The following CDH12 variants were observed in gnomAD, a reference collection of about 807,000 sequenced individuals.
The protein encoded by CDH12 is cadherin-12.
CDH12 carries 41 observed loss-of-function variants against 74.1 expected under a neutral mutation model. The observed-to-expected ratio is 0.55, with a 90% CI of 0.43 to 0.72. CDH12 has a LOEUF of 0.72. Ranked by LOEUF, CDH12 falls within the 30% of genes least tolerant of loss-of-function variation. The probability of loss-of-function intolerance (pLI) is 0.00; values close to 1 mark genes in which losing one functional copy is unlikely to be tolerated. For synonymous variants in CDH12, 399 were observed against 355.0 expected (o/e 1.12, Z -1.39); for missense variants, 945 against 977.2 (o/e 0.97, Z 0.44).
intron 1 of CDH12, among the ~76,000 whole-genome samples, chr5:22,732,443 T>A (rs1276039139): frequency 1.4e-5 from 2 of 139,668 alleles, no homozygotes; most frequent in African/African-American, 5.5e-5. Flanking sequence ...TATATACATA[T>A]GTGAATGTGT....
chr5:21,843,745 C>T lies in CDH12; in HGVS notation c.647-1417G>A, dbSNP rs1402625638. On this transcript the variant is annotated intron_variant, in intron 7 of 14. Transcript: ENST00000382254. ...TCCAATGTGTTTGTCCTTTCTTCAG[C>T]TCAGGCTCCTGAAGCTTCATTTCCA... 3.3e-5 allele frequency among the ~76,000 whole-genome samples: 5 copies of T among 152,044 alleles called. No individual in the cohort carries two copies. The South Asian group carries it at 8.3e-4, about 25-fold the overall frequency.
At chr5:22,743,762 T>C (rs1248253163) in intron 1 of CDH12, among the ~76,000 whole-genome samples, 1 of 152,162 alleles carries the variant, frequency 6.6e-6, no homozygotes, top group Non-Finnish European at 1.5e-5. Flanking sequence ...TTTTCTCTAC[T>C]TCATGAAAAA....
chr5:22,326,978 A>T (rs528961298), intron 3 of CDH12, among the ~76,000 whole-genome samples: 57 of 152,170 alleles, frequency 3.7e-4, no homozygotes, highest in African/African-American at 1.3e-3. Context: ...AATCTTTTTC[A>T]TTTTCTAATT....
chr5:22,472,625 T>A (rs2126608117), intron 2 of CDH12, among the ~76,000 whole-genome samples: 1 of 152,056 alleles, frequency 6.6e-6, no homozygotes, highest in East Asian at 1.9e-4. Context: ...GTTTTTTCTC[T>A]CAAAAAAAAA....
intron 3 of CDH12, among the ~76,000 whole-genome samples, chr5:22,268,671 T>A (rs1190853033): frequency 6.6e-6 from 1 of 152,140 alleles, no homozygotes; most frequent in African/African-American, 2.4e-5. Flanking sequence ...GTGTATTCCT[T>A]TTATTTTTAT....
At chr5:22,778,607 AG>A (rs1487842205) in intron 1 of CDH12, among the ~76,000 whole-genome samples, 1 of 152,198 alleles carries the variant, frequency 6.6e-6, no homozygotes, top group Admixed American at 6.5e-5. Flanking sequence ...CATATTCCTA[AG>A]TGACAGTATT....
intron 2 of CDH12, among the ~76,000 whole-genome samples, chr5:22,465,638 C>A (rs1745697662): frequency 6.6e-6 from 1 of 152,046 alleles, no homozygotes; most frequent in South Asian, 2.1e-4. Flanking sequence ...AGAGTTAAAC[C>A]CTGTCTCAAA....
In CDH12 at chr5:22,691,259, C is replaced by T. The variant is rs112074294; in HGVS notation, c.-523+161799G>A. Among the ~76,000 whole-genome samples the T allele has an allele frequency of 7.5e-3, 1,139 of 152,260 alleles. 17 individuals are homozygous for T. The highest frequency in any genetic ancestry group is 0.026 in the African/African-American group (1,097 of 41,540). ...CATTCCTTATTTTTTACATTCCTTA[C>T]TTCTTGTCAATCTTGGAACCATGTT... On this transcript the variant is annotated intron_variant, in intron 1 of 14. Transcript: ENST00000382254.
chr5:22,739,721 T>C (rs3857307), intron 1 of CDH12, among the ~76,000 whole-genome samples: 115,107 of 151,810 alleles, frequency 0.76, 43,868 homozygotes, highest in East Asian at 0.83. Context: ...CTCCATTTCC[T>C]CCCAGCCCCT....
At chr5:22,292,905 C>A (rs895272210) in intron 3 of CDH12, among the ~76,000 whole-genome samples, 1 of 152,132 alleles carries the variant, frequency 6.6e-6, no homozygotes, top group African/African-American at 2.4e-5. Context: ...TTTGCAAAGC[C>A]TAACTTCCTT....
At chr5:22,736,429 T>G (rs534042242) in intron 1 of CDH12, among the ~76,000 whole-genome samples, 1 of 151,960 alleles carries the variant, frequency 6.6e-6, no homozygotes, top group Non-Finnish European at 1.5e-5. Flanking sequence ...GTATTTAGTT[T>G]TGCTGTTGCC....
intron 1 of CDH12, among the ~76,000 whole-genome samples, chr5:22,730,411 A>C (rs1373473726): frequency 3.3e-5 from 5 of 151,882 alleles, no homozygotes; most frequent in African/African-American, 1.2e-4. Context: ...ACTTTCAAAA[A>C]ATATCTCAGC....
At chr5:21,986,594 T>C (rs1757524841) in intron 5 of CDH12, among the ~76,000 whole-genome samples, 1 of 152,140 alleles carries the variant, frequency 6.6e-6, no homozygotes, top group Non-Finnish European at 1.5e-5. Flanking sequence ...GGAAAAAATT[T>C]CCAGACAATA....
intron 4 of CDH12, among the ~76,000 whole-genome samples, chr5:22,183,784 A>T (rs1178192576): frequency 6.6e-6 from 1 of 152,154 alleles, no homozygotes; most frequent in Non-Finnish European, 1.5e-5. Flanking sequence ...AGTCAAGTGC[A>T]ATGTTAAAAA....
chr5:22,473,728 A>C (rs1746058010), intron 2 of CDH12, among the ~76,000 whole-genome samples: 1 of 152,160 alleles, frequency 6.6e-6, no homozygotes, highest in African/African-American at 2.4e-5. Context: ...CTAAATTACT[A>C]TAATATGTGG....
chr5:22,048,274 A>G (rs566847133), intron 5 of CDH12, among the ~76,000 whole-genome samples: 97 of 152,350 alleles, frequency 6.4e-4, no homozygotes, highest in African/African-American at 2.3e-3. Context: ...GTACAAAGAC[A>G]AAGGCAGGGA....
chr5:21,783,431 G>T lies in CDH12; in HGVS notation c.1320C>A (p.Thr440=). The part of the protein sequence containing the change: ...SYFTIDGNEG[T]IATNELLDRE... ...TGTCTAGTAATTCATTAGTGGCGATGGTTCCTTCATTTCCATCTATTGTAA... is the reference window on the plus strand; with the variant it reads ...TGTCTAGTAATTCATTAGTGGCGATTGTTCCTTCATTTCCATCTATTGTAA... The change falls in exon 11 of 15, where the codon ACC becomes ACA. Residue 440 remains threonine, a synonymous_variant. Transcript: ENST00000382254. The T allele has an allele frequency of 6.2e-7, 1 of 1,607,908 alleles. No homozygotes were observed. The highest frequency in any genetic ancestry group is 8.5e-7 in the Non-Finnish European group (1 of 1,174,454).
At chr5:22,226,064 C>A (rs1441185484) in intron 3 of CDH12, among the ~76,000 whole-genome samples, 1 of 151,934 alleles carries the variant, frequency 6.6e-6, no homozygotes, top group Non-Finnish European at 1.5e-5. Flanking sequence ...GCTACTTTCC[C>A]ACAGTCTTCC....
chr5:22,308,026 G>A (rs1184944115), intron 3 of CDH12, among the ~76,000 whole-genome samples: 9 of 151,134 alleles, frequency 6.0e-5, no homozygotes, highest in Admixed American at 3.3e-4. Context: ...GACTACAGGC[G>A]CCCGCCACCA....
Sources: allele counts gnomAD v4.1 joint callset (sites outside exome capture counted in the v4.1 genomes callset), GRCh38; gene constraint gnomAD v4.1.1; transcripts MANE v1.5; gene names NCBI Gene and HGNC (gene_info 2026-07-23, HGNC 2026-07-21).